FRY: variants seen among roughly 807,000 people sequenced by gnomAD.
The protein encoded by FRY is protein furry homolog.
Under a neutral mutation model 348.4 loss-of-function variants are expected in FRY, and 128 were observed. The observed-to-expected ratio is 0.37, with a 90% CI of 0.32 to 0.43. FRY has a LOEUF of 0.43. FRY is among the 20% of genes least tolerant of loss of function. The pLI is 1.00. For missense variants in FRY, 2,736 were observed against 3,695.2 expected, an observed-to-expected ratio of 0.74 and a Z score of 6.73; for synonymous variants, 1,370 against 1,374.7, an observed-to-expected ratio of 1.00 and a Z score of 0.08.
At position 32,110,419 on chromosome 13, in the gene FRY, A is replaced by G. The variant is rs75224142; in HGVS notation, c.325-6915A>G. Among the ~76,000 whole-genome samples the G allele has an allele frequency of 1.5e-3, 222 of 152,262 alleles. 4 individuals carry two copies. In the East Asian group the frequency reaches 0.041, roughly 28 times the overall value. ...AAACAATAGCCAACAACAAAGAACT[A>G]CTCATCCAACCGTGATGAGCGTGGG... On this transcript the variant is annotated intron_variant, in intron 3 of 60. Coordinates refer to ENST00000542859, the MANE Select transcript of FRY (RefSeq NM_023037.3).
chr13:32,286,417 T>A (rs1423253867), intron 58 of FRY, among the ~76,000 whole-genome samples: 2 of 152,108 alleles, frequency 1.3e-5, no homozygotes, highest in African/African-American at 4.8e-5. Flanking sequence ...ACCCAAACTT[T>A]CCATAAACCA....
chr13:32,147,022 C>G lies in FRY; in HGVS notation c.1180-260C>G, dbSNP rs1880500659. ...GGGAGAAGATAACCTCTTGAGTACT[C>G]ATCTTGGCAAAGGAGAAAATGACAT... On this transcript the variant is annotated intron_variant, in intron 11 of 60. Coordinates refer to ENST00000542859, the MANE Select transcript of FRY (RefSeq NM_023037.3). Among the ~76,000 whole-genome samples, 4 of 152,148 alleles carry G rather than the reference C, an allele frequency of 2.6e-5. No individual in the cohort carries two copies. The South Asian group carries it at 8.3e-4, about 32-fold the overall frequency.
intron 58 of FRY, among the ~76,000 whole-genome samples, chr13:32,283,675 C>T (rs1229318325): frequency 6.6e-6 from 1 of 152,038 alleles, no homozygotes; most frequent in African/African-American, 2.4e-5. Flanking sequence ...TAAAGACAGC[C>T]ATTATAAGTC....
At chr13:32,170,600 G>A (rs562258119) in intron 17 of FRY, among the ~76,000 whole-genome samples, 2 of 152,264 alleles carry the variant, frequency 1.3e-5, no homozygotes, top group African/African-American at 2.4e-5. Context: ...GCAGTGGCAC[G>A]ATCTTGGCTC....
At chr13:32,181,741 T>C (rs866543151) in intron 23 of FRY, among the ~76,000 whole-genome samples, 13 of 152,178 alleles carry the variant, frequency 8.5e-5, no homozygotes, top group Middle Eastern at 3.4e-3. Context: ...GCCTCATGAG[T>C]CTAGAAAACT....
At chr13:32,251,560 G>C (rs1887084091) in intron 49 of FRY, among the ~76,000 whole-genome samples, 1 of 151,908 alleles carries the variant, frequency 6.6e-6, no homozygotes, top group Non-Finnish European at 1.5e-5. Flanking sequence ...GATCACCACT[G>C]TCCAGCAGAA....
intron 1 of FRY, among the ~76,000 whole-genome samples, chr13:32,063,744 TA>T (rs1425810581): frequency 1.3e-5 from 2 of 152,212 alleles, no homozygotes; most frequent in Non-Finnish European, 2.9e-5. Flanking sequence ...ATTCACAACA[TA>T]CCCTTAGTCA....
intron 57 of FRY, 95 bp from the exon 58 acceptor site, chr13:32,278,370 A>G (rs1888642295): frequency 2.6e-6 from 2 of 771,080 alleles, no homozygotes; most frequent in Admixed American, 1.8e-5. Context: ...TACTATTATT[A>G]GAACTTTAAT....
In FRY at chr13:32,210,985, G is replaced by A. The variant is rs80325739; in HGVS notation, c.4542G>A (p.Pro1514=). The change falls in exon 34 of 61, where the codon CCG becomes CCA. Residue 1514 remains proline, a synonymous_variant. Coordinates refer to ENST00000542859, the MANE Select transcript of FRY (RefSeq NM_023037.3). ...CCATCGTCCAGCATTGTGACAACCC[G>A]CCCTTCTACCGCTTCACGGCCAGTA... is the stretch of plus-strand genomic sequence containing the variant. ...VNPIVQHCDN[P]PFYRFTASSK... The A allele has an allele frequency of 1.9e-4, 300 of 1,613,958 alleles. 1 individual carries two copies. In the East Asian group the frequency reaches 5.7e-3, roughly 31 times the overall value.
At chr13:32,101,908 A>G (rs1437876219) in intron 2 of FRY, 55 bp from the exon 3 acceptor site, 4 of 990,138 alleles carry the variant, frequency 4.0e-6, no homozygotes, top group Non-Finnish European at 6.5e-6. Flanking sequence ...CATTTCTTTT[A>G]TACTATTTAA....
intron 2 of FRY, among the ~76,000 whole-genome samples, chr13:32,082,343 T>C (rs1482352358): frequency 6.6e-6 from 1 of 152,136 alleles, no homozygotes; most frequent in Non-Finnish European, 1.5e-5. Context: ...GATGCTCAGG[T>C]CATATTCATG....
chr13:32,149,156 T>G (rs139469522), intron 13 of FRY, among the ~76,000 whole-genome samples: 266 of 148,764 alleles, frequency 1.8e-3, no homozygotes, highest in African/African-American at 6.1e-3. Context: ...TATTTTTACA[T>G]ATATTAATTA....
intron 3 of FRY, among the ~76,000 whole-genome samples, chr13:32,113,215 G>T: frequency 6.6e-6 from 1 of 152,096 alleles, no homozygotes; most frequent in Non-Finnish European, 1.5e-5. Flanking sequence ...AGAGTTGCTT[G>T]ACCACTTGAA....
chr13:32,257,905 T>G (rs1266393369), intron 51 of FRY: 2 of 1,447,640 alleles, frequency 1.4e-6, no homozygotes, highest in Admixed American at 1.7e-5. Flanking sequence ...GTATCTTTAA[T>G]ATAATCATTG....
At chr13:32,118,764 T>A (rs1260152235) in intron 4 of FRY, among the ~76,000 whole-genome samples, 3 of 152,162 alleles carry the variant, frequency 2.0e-5, no homozygotes, top group Non-Finnish European at 2.9e-5. Flanking sequence ...CTCATGAATA[T>A]TTTTTTAATT....
intron 3 of FRY, among the ~76,000 whole-genome samples, chr13:32,115,342 C>A (rs1878231735): frequency 6.6e-6 from 1 of 152,180 alleles, no homozygotes; most frequent in Admixed American, 6.5e-5. Context: ...GCCATCTCTG[C>A]TTCTCAGGCC....
At chr13:32,179,070 GTT>G in intron 22 of FRY, 37 bp downstream of exon 22, 2 of 1,532,174 alleles carry the variant, frequency 1.3e-6, no homozygotes, top group African/African-American at 1.4e-5. Context: ...ATTCTGTAAG[GTT>G]TTTTTTTAGC....
chr13:32,238,570 G>A (rs1593785618), intron 44 of FRY, among the ~76,000 whole-genome samples: 1 of 152,256 alleles, frequency 6.6e-6, no homozygotes, highest in East Asian at 1.9e-4. Flanking sequence ...TCCTGCCTCA[G>A]CCTCCGGAGT....
At chr13:32,187,347 T>A (rs1883082115) in intron 27 of FRY, among the ~76,000 whole-genome samples, 199 bp from the exon 28 acceptor site, 1 of 152,198 alleles carries the variant, frequency 6.6e-6, no homozygotes, top group Non-Finnish European at 1.5e-5. Flanking sequence ...TTTTTAATTC[T>A]TATGAAAAGA....
Sources: gnomAD v4.1 joint callset for allele counts (sites outside exome capture counted in the v4.1 genomes callset) on GRCh38, gnomAD v4.1.1 for gene constraint, MANE v1.5 for transcripts, NCBI Gene and HGNC (gene_info 2026-07-23, HGNC 2026-07-21) for gene names.